Variants in SGO1 observed in about 807,000 individuals in gnomAD.
SGO1 encodes the protein serologically defined breast cancer antigen NY-BR-85.
A neutral mutation model predicts 50.5 loss-of-function variants in SGO1; 39 were observed. That is an observed-to-expected ratio of 0.77 (90% CI 0.60 to 1.01). The LOEUF (loss-of-function observed/expected upper bound fraction) is 1.01. Ranked by LOEUF, SGO1 falls within the 50% of genes least tolerant of loss-of-function variation. The probability of loss-of-function intolerance (pLI) is 0.00; values close to 1 mark genes in which losing one functional copy is unlikely to be tolerated. For missense variants in SGO1, 638 were observed against 606.0 expected, an observed-to-expected ratio of 1.05 and a Z score of -0.55; for synonymous variants, 191 against 205.1, an observed-to-expected ratio of 0.93 and a Z score of 0.59.
rs77194360 is a variant in SGO1, at chr3:20,170,735, C to G, written c.1553G>C (p.Arg518Pro). 1 of 1,587,222 alleles carries G rather than the reference C, an allele frequency of 6.3e-7. No individual in the cohort carries two copies. Among genetic ancestry groups the G allele is most frequent in the African/African-American group, 1.4e-5 (1 of 72,736 alleles). Residue 518 changes from arginine to proline, a missense_variant, in exon 8 of 8, where the codon CGT becomes CCT. By Grantham distance (103) the Arg-to-Pro change is moderately radical (BLOSUM62 -2). Coordinates refer to ENST00000412997, the MANE Select transcript of SGO1 (RefSeq NM_001199251.3). ...PIFKQKKDLR[R>P]SKKSMKQIQ Reference sequence around the variant, plus strand: ...TATTTGTTTCATACTTTTTTTAGAACGTCTCAAATCCTTTTTCTGCTTGAA... The same window carrying G: ...TATTTGTTTCATACTTTTTTTAGAAGGTCTCAAATCCTTTTTCTGCTTGAA...
chr3:20,164,129 A>G (rs1487861425), intron 8 of SGO1, among the ~76,000 whole-genome samples: 1 of 152,170 alleles, frequency 6.6e-6, no homozygotes, highest in East Asian at 1.9e-4. Context: ...AATTTAAGAA[A>G]CCACAAGAAA....
chr3:20,181,010 C>G (rs1299467831), intron 3 of SGO1, among the ~76,000 whole-genome samples: 1 of 152,048 alleles, frequency 6.6e-6, no homozygotes, highest in Non-Finnish European at 1.5e-5. Flanking sequence ...GCCTATAGTC[C>G]CACCTATTCA....
At chr3:20,181,997 C>T (rs1204554942) in intron 3 of SGO1, among the ~76,000 whole-genome samples, 1 of 151,846 alleles carries the variant, frequency 6.6e-6, no homozygotes, top group African/African-American at 2.4e-5. Context: ...GCACGAGAAT[C>T]ACTTGAACCC....
chr3:20,161,533 G>A (rs994915866), intron 8 of SGO1, among the ~76,000 whole-genome samples: 2 of 152,032 alleles, frequency 1.3e-5, no homozygotes, highest in African/African-American at 4.8e-5. Flanking sequence ...CTAAAAAGAT[G>A]GAAAATATGA....
rs1333542269 is a variant in SGO1, at chr3:20,176,657, T to C, written c.419A>G (p.Gln140Arg). 1 of 1,568,174 alleles carries C rather than the reference T, an allele frequency of 6.4e-7. No individual in the cohort carries two copies. Among genetic ancestry groups the C allele is most frequent in the Admixed American group, 2.0e-5 (1 of 50,006 alleles). Residue 140 changes from glutamine (Q) to arginine (R), a missense_variant and splice_region_variant, in exon 5 of 8, where the codon CAA becomes CGA. Transcript: ENST00000412997. ...AAGTTCAGTTTCTTCAAGAGGAATT[T>C]GCCTTAGAAAATACCAATGAAAAAC... ...SRNLFVKDLP[Q>R]IPLEETELPG...
At position 20,169,800 on chromosome 3, in the gene SGO1, T is replaced by C. The variant is rs1700535151; in HGVS notation, c.*904A>G. 2.1e-6 allele frequency: 2 copies of C among 966,624 alleles called. No individual in the cohort carries two copies. Among genetic ancestry groups the C allele is most frequent in the Non-Finnish European group, 1.2e-6 (1 of 812,848 alleles). The allele number at this position is 966,624 out of a possible 1,614,324, so 59.9% of individuals were successfully genotyped here. A position where few individuals can be genotyped will look rare whatever the true frequency, so the allele number is the denominator to read the frequency against. ...GAGCCTAAAAAAGAATCAATTTCTC[T>C]AGTCATTTTCCCATACATATTTTAT... On this transcript the variant is annotated 3_prime_UTR_variant, in exon 8 of 8. Transcript: ENST00000412997.
downstream of SGO1, among the ~76,000 whole-genome samples, chr3:20,168,644 G>GT (rs1313336484): frequency 0.046 from 5,905 of 129,360 alleles, 201 homozygotes; most frequent in South Asian, 0.17. Flanking sequence ...CTGAGAAACT[G>GT]TTTTTTTTTT....
rs1701631414 is a variant in SGO1 at position 20,178,338 on chromosome 3, T to C, written c.349A>G (p.Ile117Val). The C allele has an allele frequency of 6.2e-7, 1 of 1,611,188 alleles. No homozygotes were observed. Among genetic ancestry groups the C allele is most frequent in the East Asian group, 2.2e-5 (1 of 44,794 alleles). The change falls in exon 4 of 8, where the codon ATA becomes GTA. Residue 117 changes from isoleucine (I) to valine (V), a missense_variant. Coordinates refer to ENST00000412997, the MANE Select transcript of SGO1 (RefSeq NM_001199251.3). ...QTVEPAQNQE[I>V]CSSGMDPNSD... ...TTGGGGTCCATTCCAGAGGAACATA[T>C]TTCCTGGTTCTGTTAATGTATTAAA...
chr3:20,172,736 G>A (rs1343155797), intron 6 of SGO1, among the ~76,000 whole-genome samples: 3 of 144,024 alleles, frequency 2.1e-5, no homozygotes, highest in Non-Finnish European at 4.5e-5. Context: ...GACTGCTTTA[G>A]CCCAGGAATT....
At chr3:20,184,835 T>A (rs1702441491) in intron 1 of SGO1, among the ~76,000 whole-genome samples, 1 of 126,230 alleles carries the variant, frequency 7.9e-6, no homozygotes, top group African/African-American at 3.8e-5. Flanking sequence ...ACGTTGCAAA[T>A]CAGGTAGGCT....
intron 8 of SGO1, among the ~76,000 whole-genome samples, chr3:20,163,735 A>C (rs1488253843): frequency 6.6e-6 from 1 of 152,196 alleles, no homozygotes; most frequent in Non-Finnish European, 1.5e-5. Context: ...AAACGGGAAA[A>C]AGGTTATCAA....
At chr3:20,175,704 C>A (rs1701308793) in intron 5 of SGO1, among the ~76,000 whole-genome samples, 1 of 151,280 alleles carries the variant, frequency 6.6e-6, no homozygotes, top group Non-Finnish European at 1.5e-5. Flanking sequence ...GAGACTGAGG[C>A]AGGAGAATGG....
At chr3:20,173,185 G>A (rs1031215164) in intron 6 of SGO1, among the ~76,000 whole-genome samples, 2 of 150,968 alleles carry the variant, frequency 1.3e-5, no homozygotes, top group East Asian at 3.9e-4. Context: ...AGGCTGGAGC[G>A]CAATGGCATG....
rs1329829488 is a variant in SGO1 at position 20,169,753 on chromosome 3, A to G, written c.*951T>C. 2 of 929,450 alleles carry G rather than the reference A, an allele frequency of 2.2e-6. No homozygotes were observed. Among genetic ancestry groups the G allele is most frequent in the Admixed American group, 6.2e-5 (1 of 16,202 alleles). 57.6% of individuals were successfully genotyped at this position (929,450 alleles called of 1,614,324 possible). A position where few individuals can be genotyped will look rare whatever the true frequency, so the allele number is the denominator to read the frequency against. ...ATACAATTAGAGCTTGGGGTTCACA[A>G]TTAGTCACTTATCTTGTCCCTGAGC... On this transcript the variant is annotated 3_prime_UTR_variant, in exon 8 of 8. Coordinates refer to ENST00000412997, the MANE Select transcript of SGO1 (RefSeq NM_001199251.3).
rs1459093641 is a variant in SGO1 at position 20,183,668 on chromosome 3, T to C, written c.279A>G (p.Thr93=). The C allele has an allele frequency of 6.2e-6, 10 of 1,611,584 alleles. No individual in the cohort carries two copies. The highest frequency in any genetic ancestry group is 3.4e-5 in the Admixed American group (2 of 59,478). ...TTCCTTTCAATGCATATAGCTGACA[T>C]GTGAGATAGTAACATTCTTTTCTCA... ...LQLRKECYYL[T]CQLYALKGKL... The change falls in exon 3 of 8, where the codon ACA becomes ACG. Residue 93 remains threonine (T), a synonymous_variant. Transcript: ENST00000412997.
At position 20,183,885 on chromosome 3, in the gene SGO1, C is replaced by A. The variant is rs1419520104; in HGVS notation, c.142+1G>T. 1.9e-6 allele frequency: 3 copies of A among 1,605,326 alleles called. No individual in the cohort carries two copies. Among genetic ancestry groups the A allele is most frequent in the Non-Finnish European group, 2.5e-6 (3 of 1,177,986 alleles). On this transcript the variant is annotated splice_donor_variant, in intron 2 of 7. Coordinates refer to ENST00000412997, the MANE Select transcript of SGO1 (RefSeq NM_001199251.3). LOFTEE classifies it high-confidence loss of function. Reference sequence around the variant, plus strand: ...AAAAGGACAACATAAAAATCTCTTACTGATTATTTGGCATGGTGCAGCTAT... The same window carrying A: ...AAAAGGACAACATAAAAATCTCTTAATGATTATTTGGCATGGTGCAGCTAT...
rs746705322 is a variant in SGO1, at chr3:20,174,293, T to C, written c.1238A>G (p.Asp413Gly). 2 of 1,614,104 alleles carry C rather than the reference T, an allele frequency of 1.2e-6. No homozygotes were observed. The highest frequency in any genetic ancestry group is 2.7e-5 in the African/African-American group (2 of 74,948). Reference protein sequence around the residue: ...PLAKRALKYTDEKETEGSKPT... With the variant: ...PLAKRALKYTGEKETEGSKPT... The stretch of plus-strand genomic sequence containing the variant: ...CTTAGAACCCTCCGTCTCTTTTTCA[T>C]CTGTGTATTTCAGTGCTCTTTTAGC... Residue 413 changes from aspartate to glycine, a missense_variant, in exon 6 of 8, where the codon GAT (aspartate) becomes GGT (glycine). Transcript: ENST00000412997.
At chr3:20,168,051 G>T (rs1700393857), downstream of SGO1, among the ~76,000 whole-genome samples, 1 of 152,182 alleles carries the variant, frequency 6.6e-6, no homozygotes, top group African/African-American at 2.4e-5. Context: ...GTTGTAAAAT[G>T]ATGTGTACAA....
At chr3:20,164,711 A>G (rs1234836772), downstream of SGO1, among the ~76,000 whole-genome samples, 1 of 152,234 alleles carries the variant, frequency 6.6e-6, no homozygotes, top group East Asian at 1.9e-4. Context: ...TAGTAGAACT[A>G]GTGAATGAAT....
Sources: gnomAD v4.1 joint callset for allele counts (sites outside exome capture counted in the v4.1 genomes callset) on GRCh38, gnomAD v4.1.1 for gene constraint, MANE v1.5 for transcripts, NCBI Gene and HGNC (gene_info 2026-07-23, HGNC 2026-07-21) for gene names.